DGKD: variants seen among roughly 807,000 people sequenced by gnomAD.
DGKD encodes the protein DAG kinase delta.
DGKD carries 68 observed loss-of-function variants against 154.4 expected under a neutral mutation model. That is an observed-to-expected ratio of 0.44 (90% CI 0.36 to 0.54). The LOEUF (loss-of-function observed/expected upper bound fraction) is 0.54. Among genes scored for constraint, DGKD ranks in the 20% least tolerant of loss-of-function variants. DGKD has a pLI of 0.00. For synonymous variants in DGKD, 693 were observed against 638.0 expected, an observed-to-expected ratio of 1.09 and a Z score of -1.30; for missense variants, 1,343 against 1,593.6, an observed-to-expected ratio of 0.84 and a Z score of 2.68.
rs777123239 is a variant in DGKD, at chr2:233,388,338, C to T, written c.238C>T (p.Arg80Ter). ...AAGGAGATACTTTAAGCTTCGAGGGCGAACGCTTTACTATGCCAAAACGGC... is the reference window on the plus strand; with the variant it reads ...AAGGAGATACTTTAAGCTTCGAGGGTGAACGCTTTACTATGCCAAAACGGC... ...SKRRYFKLRG[R>*]TLYYAKTAKS... is the part of the protein sequence containing the mutation. Residue 80 changes from arginine to a stop codon, truncating the protein, a stop_gained, in exon 2 of 30, where the codon CGA becomes TGA. Transcript: ENST00000264057. LOFTEE classifies it high-confidence loss of function. The T allele has an allele frequency of 3.7e-6, 6 of 1,613,924 alleles. No homozygotes were observed. In the Admixed American group the frequency reaches 6.7e-5, roughly 18 times the overall value.
intron 3 of DGKD, chr2:233,409,194 T>C (rs2061760766): frequency 6.6e-6 from 1 of 152,240 alleles, no homozygotes; most frequent in African/African-American, 2.4e-5. Context: ...TATGATTGTA[T>C]GTGTTTGAAA....
intron 3 of DGKD, chr2:233,408,987 G>A (rs967908430): frequency 7.2e-5 from 11 of 152,208 alleles, no homozygotes; most frequent in African/African-American, 2.4e-4. Flanking sequence ...CTTAGGGGTC[G>A]GTTTTAACAG....
In DGKD at chr2:233,460,250, C is replaced by T. The variant is rs746269290; in HGVS notation, c.2886C>T (p.Arg962=). 2 of 1,613,992 alleles carry T rather than the reference C, an allele frequency of 1.2e-6. No homozygotes were observed. Among genetic ancestry groups the T allele is most frequent in the South Asian group, 2.2e-5 (2 of 91,078 alleles). Residue 962 remains arginine, a synonymous_variant, in exon 24 of 30, where the codon CGC becomes CGT. Transcript: ENST00000264057. ...ACAAGCAGAAGTGCGAGCTGCCCCG[C>T]CCTCCATCCTGTTCCCTGCACCCGG... is the stretch of plus-strand genomic sequence containing the variant. ...WEDKQKCELP[R]PPSCSLHPEM... is the part of the protein sequence containing the mutation.
At chr2:233,378,064 C>G (rs1702672960) in intron 1 of DGKD, among the ~76,000 whole-genome samples, 1 of 151,936 alleles carries the variant, frequency 6.6e-6, no homozygotes, top group South Asian at 2.1e-4. Flanking sequence ...ACCTCAGCCT[C>G]CCAAGTAGCT....
In DGKD at chr2:233,462,627, G is replaced by A. The variant is rs1370616694; in HGVS notation, c.3094-16G>A. The A allele has an allele frequency of 2.5e-6, 4 of 1,612,712 alleles. No individual in the cohort carries two copies. The highest frequency in any genetic ancestry group is 3.4e-6 in the Non-Finnish European group (4 of 1,179,016). On this transcript the variant is annotated splice_polypyrimidine_tract_variant and intron_variant, in intron 25 of 29. Transcript: ENST00000264057. ...CGGCCCCCCGCCCCCATGCATATTT[G>A]CCTGGTTTCTTCTAGGGGCTCAACT... is the stretch of plus-strand genomic sequence containing the variant.
At chr2:233,450,387 G>A (rs1208134092) in intron 16 of DGKD, among the ~76,000 whole-genome samples, 1 of 152,148 alleles carries the variant, frequency 6.6e-6, no homozygotes, top group Admixed American at 6.5e-5. Context: ...CTGCCTCCCT[G>A]AGGAGCACTT....
At chr2:233,355,343 A>G (rs1436121631) in intron 1 of DGKD, among the ~76,000 whole-genome samples, 2 of 152,216 alleles carry the variant, frequency 1.3e-5, no homozygotes, top group Admixed American at 6.5e-5. Context: ...TCCTTTTTGC[A>G]GGAGGAAAGT....
rs760563533 is a variant in DGKD at position 233,467,046 on chromosome 2, T to G, written c.3307-40T>G. The G allele has an allele frequency of 5.3e-6, 8 of 1,512,596 alleles. No individual in the cohort carries two copies. In the East Asian group the frequency reaches 1.8e-4, roughly 34 times the overall value. 93.7% of individuals were successfully genotyped at this position (1,512,596 alleles called of 1,614,324 possible). On this transcript the variant is annotated intron_variant, in intron 27 of 29. Transcript: ENST00000264057. ...GAGATGGGCATGAGGCCGTGATCAG[T>G]TGCAGCCTGATTCTCAGTATTCCTC...
intron 1 of DGKD, among the ~76,000 whole-genome samples, chr2:233,380,488 T>C (rs1235406951): frequency 1.3e-5 from 2 of 151,998 alleles, no homozygotes; most frequent in Non-Finnish European, 2.9e-5. Flanking sequence ...AAGGTGGCAC[T>C]GAGACTACAC....
chr2:233,432,932 G>A (rs1000799719), intron 3 of DGKD, among the ~76,000 whole-genome samples: 1 of 152,172 alleles, frequency 6.6e-6, no homozygotes, highest in Non-Finnish European at 1.5e-5. Flanking sequence ...TTATCCAAAA[G>A]ACAGGCAATA....
chr2:233,379,844 T>G lies in DGKD; in HGVS notation c.157-8413T>G, dbSNP rs187153905. ...TATTTTAATAACCTGTATTTTGTTT[T>G]TAGAGTAGTCCAGTGAAGTAGTGAG... On this transcript the variant is annotated intron_variant, in intron 1 of 29. Transcript: ENST00000264057. 6.6e-5 allele frequency: 10 copies of G among 152,320 alleles called. No homozygotes were observed. In the East Asian group the frequency reaches 1.9e-3, roughly 29 times the overall value. The allele number at this position is 152,320 out of a possible 1,614,324, so 9.4% of individuals were successfully genotyped here.
intron 1 of DGKD, among the ~76,000 whole-genome samples, chr2:233,386,395 A>C (rs989150008): frequency 6.6e-5 from 10 of 152,204 alleles, no homozygotes; most frequent in African/African-American, 2.4e-4. Context: ...TTTGGAAACA[A>C]ATACCATTTC....
chr2:233,432,617 C>T (rs2062567473), intron 3 of DGKD, among the ~76,000 whole-genome samples: 2 of 152,160 alleles, frequency 1.3e-5, no homozygotes, highest in Admixed American at 6.5e-5. Flanking sequence ...GGAGATTGCG[C>T]CACTGCACAC....
rs2062787366 is a variant in DGKD, at chr2:233,438,751, CTATCATCTATCTATCTATCTATCTATCT to C, written c.1085+373_1085+400del. On this transcript the variant is annotated intron_variant, in intron 9 of 29. Transcript: ENST00000264057. This position sits in a 1 kb window ranked among gnomAD's most constrained non-coding sequence, Gnocchi z 4.1. ...TATAATTTTTTATTTATCTGTCTATCTATCATCTATCTATCTATCTATCTATCTATCTATCTATCTATCTATCTATCTA... is the reference window on the plus strand; with the variant it reads ...TATAATTTTTTATTTATCTGTCTATCATCTATCTATCTATCTATCTATCTA... 1.0e-5 allele frequency among the ~76,000 whole-genome samples: 1 copy of C among 96,658 alleles called. No individual in the cohort carries two copies. The highest frequency in any genetic ancestry group is 2.0e-5 in the Non-Finnish European group (1 of 48,802). 63.4% of individuals were successfully genotyped at this position (96,658 alleles called of 152,430 possible). A position where few individuals can be genotyped will look rare whatever the true frequency, so the allele number is the denominator to read the frequency against.
chr2:233,421,050 T>C (rs1449752714), intron 3 of DGKD, among the ~76,000 whole-genome samples: 3 of 152,146 alleles, frequency 2.0e-5, no homozygotes, highest in South Asian at 2.1e-4. Context: ...AGTGATCTCA[T>C]TTCTATAGTG....
intron 18 of DGKD, among the ~76,000 whole-genome samples, chr2:233,453,718 G>T (rs193027653): frequency 6.6e-6 from 1 of 152,218 alleles, no homozygotes; most frequent in Non-Finnish European, 1.5e-5. Flanking sequence ...TTGCCCTCGG[G>T]GGGAAACCCC....
At chr2:233,368,813 C>T (rs1333314560) in intron 1 of DGKD, among the ~76,000 whole-genome samples, 1 of 152,202 alleles carries the variant, frequency 6.6e-6, no homozygotes, top group Non-Finnish European at 1.5e-5. Context: ...ACACCTTCAT[C>T]TGGCTCTTTG....
At chr2:233,361,114 G>T (rs1047015987) in intron 1 of DGKD, among the ~76,000 whole-genome samples, 14 of 151,954 alleles carry the variant, frequency 9.2e-5, no homozygotes, top group Non-Finnish European at 1.3e-4. Flanking sequence ...TGAGCCCTGT[G>T]AGACTGTCTG....
chr2:233,404,518 TC>T (rs1210974341), intron 3 of DGKD, among the ~76,000 whole-genome samples: 1 of 152,224 alleles, frequency 6.6e-6, no homozygotes, highest in Non-Finnish European at 1.5e-5. Context: ...AGACAAAACT[TC>T]CTCCTGCTTT....
Sources: gnomAD v4.1 joint callset for allele counts (sites outside exome capture counted in the v4.1 genomes callset) on GRCh38, gnomAD v4.1.1 for gene constraint, Gnocchi (gnomAD v3.1) non-coding constraint, MANE v1.5 for transcripts, NCBI Gene and HGNC (gene_info 2026-07-23, HGNC 2026-07-21) for gene names.